Variants in ACOXL observed in about 807,000 individuals in gnomAD.
ACOXL encodes acyl-CoA oxidase like.
In ACOXL, 70 loss-of-function variants were observed where a neutral mutation model predicts 71.9. That is an observed-to-expected ratio of 0.97 (90% CI 0.80 to 1.19). ACOXL has a LOEUF of 1.19. ACOXL is among the 50% of genes most tolerant of loss of function. The pLI is 0.00. For synonymous variants in ACOXL, 253 were observed against 281.6 expected (o/e 0.90, Z 1.02); for missense variants, 703 against 736.3 (o/e 0.95, Z 0.52).
intron 7 of ACOXL, 49 bp from the exon 8 acceptor site, chr2:110,801,603 G>A: frequency 3.9e-6 from 6 of 1,540,144 alleles, no homozygotes; most frequent in Non-Finnish European, 4.5e-6. Flanking sequence ...GAAGTAGCAG[G>A]GAAAATACTT....
chr2:110,878,627 C>T (rs1016018115), intron 10 of ACOXL, among the ~76,000 whole-genome samples: 6 of 151,714 alleles, frequency 4.0e-5, no homozygotes, highest in Non-Finnish European at 8.8e-5. Flanking sequence ...TAGCTGGGCA[C>T]GGTGGTGCAA....
chr2:111,106,603 G>A (rs1040328631), intron 17 of ACOXL, among the ~76,000 whole-genome samples: 7 of 152,084 alleles, frequency 4.6e-5, no homozygotes, highest in Admixed American at 6.6e-5. Flanking sequence ...ACTTTTGATC[G>A]AAACATGAAC....
rs1265171581 is a variant in ACOXL, at chr2:110,792,700, A to G, written c.160-950A>G. On this transcript the variant is annotated intron_variant, in intron 3 of 17. Transcript: ENST00000439055. Reference sequence around the variant, plus strand: ...CCTAGTCCCAGCTACTCAGGAGGCTAAGGCAGGAGGATCGCTTGAGCCTGA... The same window carrying G: ...CCTAGTCCCAGCTACTCAGGAGGCTGAGGCAGGAGGATCGCTTGAGCCTGA... Among the ~76,000 whole-genome samples the G allele has an allele frequency of 2.0e-5, 3 of 152,118 alleles. No individual in the cohort carries two copies. In the East Asian group the frequency reaches 5.8e-4, roughly 29 times the overall value.
chr2:110,944,138 A>G (rs964099983), intron 12 of ACOXL, among the ~76,000 whole-genome samples: 1 of 151,840 alleles, frequency 6.6e-6, no homozygotes, highest in Admixed American at 6.6e-5. Flanking sequence ...GCTTACTGCA[A>G]CCTCCACTTC....
At chr2:110,846,968 C>G (rs555801765) in intron 10 of ACOXL, among the ~76,000 whole-genome samples, 21 of 152,274 alleles carry the variant, frequency 1.4e-4, no homozygotes, top group African/African-American at 5.1e-4. Flanking sequence ...CGTTTATTAT[C>G]ATGGCGCTTT....
At chr2:110,785,370 T>TTG (rs34917698) in intron 3 of ACOXL, among the ~76,000 whole-genome samples, 52,337 of 145,466 alleles carry the variant, frequency 0.36, 9,413 homozygotes, top group South Asian at 0.44. Flanking sequence ...ATGCACTCAG[T>TTG]TGTGTGTGTG....
At position 110,799,131 on chromosome 2, in the gene ACOXL, CA is replaced by C. The variant is rs777886516; in HGVS notation, c.547+32del. The C allele has an allele frequency of 1.9e-6, 3 of 1,593,748 alleles. No homozygotes were observed. In the Admixed American group the frequency reaches 5.0e-5, roughly 27 times the overall value. ...TCCCCAGGTGCCCTTTTCCTGTGCT[CA>C]CTCTTCCTACCTGCTCCCCACCTGA... On this transcript the variant is annotated intron_variant, in intron 7 of 17. Transcript: ENST00000439055.
chr2:110,985,324 C>T (rs2062882277), intron 12 of ACOXL, among the ~76,000 whole-genome samples: 1 of 152,180 alleles, frequency 6.6e-6, no homozygotes. Flanking sequence ...CTCAATCTCA[C>T]TGGACCTAAT....
intron 13 of ACOXL, among the ~76,000 whole-genome samples, chr2:110,988,980 A>G (rs1046552592): frequency 6.7e-6 from 1 of 150,336 alleles, no homozygotes. Flanking sequence ...GGCTTGTCTT[A>G]TATTTTCTTT....
chr2:110,930,256 G>A (rs1370126300), intron 11 of ACOXL, among the ~76,000 whole-genome samples: 1 of 152,226 alleles, frequency 6.6e-6, no homozygotes, highest in Non-Finnish European at 1.5e-5. Context: ...AAGAGTCAAA[G>A]GAGATCATTT....
At chr2:110,760,823 T>C (rs1308572230) in intron 1 of ACOXL, among the ~76,000 whole-genome samples, 1 of 152,206 alleles carries the variant, frequency 6.6e-6, no homozygotes, top group Admixed American at 6.5e-5. Flanking sequence ...ACAAGACAGA[T>C]AGGGAAATGC....
intron 17 of ACOXL, chr2:111,093,405 C>T (rs780748278): frequency 2.1e-5 from 33 of 1,596,586 alleles, no homozygotes; most frequent in African/African-American, 1.5e-4. Context: ...GTATTCACCA[C>T]GAAAATGCTA....
rs189934614 is a variant in ACOXL at position 111,028,175 on chromosome 2, G to A, written c.1282-3452G>A. ...CTGCAGTCAAGCCTGGGTGACAGGA[G>A]TGAGACCCTGTCTCAAAAATAAATA... is the stretch of plus-strand genomic sequence containing the variant. On this transcript the variant is annotated intron_variant, in intron 14 of 17. Transcript: ENST00000439055. 5.3e-5 allele frequency among the ~76,000 whole-genome samples: 8 copies of A among 152,078 alleles called. No homozygotes were observed. The East Asian group carries it at 1.4e-3, about 26-fold the overall frequency.
Position 110,962,715 on chromosome 2 carries a change from T to A in ACOXL, c.1060-24393T>A, listed in dbSNP as rs1244818817. Among the ~76,000 whole-genome samples the A allele has an allele frequency of 2.0e-5, 3 of 152,372 alleles. No individual in the cohort carries two copies. In the East Asian group the frequency reaches 5.8e-4, roughly 29 times the overall value. ...TCAAGAGTATGACTGCCCCTGGGCC[T>A]CTGTGGCTTGAAAATATTATCAGAG... On this transcript the variant is annotated intron_variant, in intron 12 of 17. Coordinates refer to ENST00000439055, the MANE Select transcript of ACOXL (RefSeq NM_001142807.4).
At chr2:111,106,642 G>T (rs1282194697) in intron 17 of ACOXL, among the ~76,000 whole-genome samples, 1 of 152,124 alleles carries the variant, frequency 6.6e-6, no homozygotes, top group Non-Finnish European at 1.5e-5. Flanking sequence ...TAAAACTCTG[G>T]ATCTTACTTA....
At chr2:110,957,377 G>A (rs2061538043) in intron 12 of ACOXL, among the ~76,000 whole-genome samples, 1 of 152,166 alleles carries the variant, frequency 6.6e-6, no homozygotes, top group Non-Finnish European at 1.5e-5. Flanking sequence ...TTTATCTCTG[G>A]TCAGGAACAG....
chr2:110,982,249 G>A lies in ACOXL; in HGVS notation c.1060-4859G>A, dbSNP rs557205329. Reference sequence around the variant, plus strand: ...CAGCTCACTGCAACCTCCACCTCCCGGGTTCAAGTCAAATCCGTGTTTAAG... The same window carrying A: ...CAGCTCACTGCAACCTCCACCTCCCAGGTTCAAGTCAAATCCGTGTTTAAG... On this transcript the variant is annotated intron_variant, in intron 12 of 17. Coordinates refer to ENST00000439055, the MANE Select transcript of ACOXL (RefSeq NM_001142807.4). 7.6e-4 allele frequency among the ~76,000 whole-genome samples: 116 copies of A among 151,964 alleles called. 2 individuals carry two copies. Among genetic ancestry groups the A allele is most frequent in the Admixed American group, 7.3e-3 (112 of 15,256 alleles).
chr2:110,754,736 G>A (rs1679445538), intron 1 of ACOXL, among the ~76,000 whole-genome samples: 2 of 152,174 alleles, frequency 1.3e-5, no homozygotes, highest in African/African-American at 4.8e-5. Flanking sequence ...ATTTGCCAGT[G>A]GCATTTGGGT....
intron 10 of ACOXL, among the ~76,000 whole-genome samples, chr2:110,876,921 A>C (rs1444427831): frequency 6.6e-6 from 1 of 152,194 alleles, no homozygotes; most frequent in Non-Finnish European, 1.5e-5. Context: ...AAATCAATAA[A>C]ATATGAATTA....
Sources: gnomAD v4.1 joint callset for allele counts (sites outside exome capture counted in the v4.1 genomes callset) on GRCh38, gnomAD v4.1.1 for gene constraint, MANE v1.5 for transcripts, NCBI Gene and HGNC (gene_info 2026-07-23, HGNC 2026-07-21) for gene names.